Variants in DIXDC1 observed in about 807,000 individuals in gnomAD.
The protein encoded by DIXDC1 is DIX domain containing 1, also known as dixin.
A neutral mutation model predicts 103.1 loss-of-function variants in DIXDC1; 64 were observed. The observed-to-expected ratio is 0.62, with a 90% CI of 0.51 to 0.76. The LOEUF is 0.76. DIXDC1 is among the 30% of genes least tolerant of loss of function. DIXDC1 has a pLI of 0.00. For missense variants in DIXDC1, 759 were observed against 834.2 expected (o/e 0.91, Z 1.11); for synonymous variants, 266 against 298.5 (o/e 0.89, Z 1.12).
At chr11:111,994,899 CATTAAACAG>C in intron 14 of DIXDC1, 111 bp from the exon 15 acceptor site, 1 of 926,730 alleles carries the variant, frequency 1.1e-6, no homozygotes, top group Non-Finnish European at 1.6e-6. Context: ...TAAAGAGAGC[CATTAAACAG>C]ACAATTATAT....
At chr11:111,997,858 G>A (rs1158892566) in intron 17 of DIXDC1, among the ~76,000 whole-genome samples, 16 of 152,160 alleles carry the variant, frequency 1.1e-4, no homozygotes, top group Admixed American at 1.0e-3. Context: ...CAAATAAGCT[G>A]AAATATCTCT....
intron 10 of DIXDC1, 52 bp from the exon 11 acceptor site, chr11:111,992,363 C>A (rs1860737575): frequency 6.9e-7 from 1 of 1,448,412 alleles, no homozygotes; most frequent in African/African-American, 1.4e-5. Context: ...GTAATAATAA[C>A]TGGCTGATTG....
intron 17 of DIXDC1, among the ~76,000 whole-genome samples, chr11:112,001,471 T>TA (rs1861063327): frequency 6.6e-6 from 1 of 152,200 alleles, no homozygotes; most frequent in Admixed American, 6.5e-5. Context: ...CTACAATTTT[T>TA]AAAAAGTGAG....
rs188295515 is a variant in DIXDC1, at chr11:111,946,750, A to C, written c.60+9191A>C. 1.0e-5 allele frequency: 5 copies of C among 478,464 alleles called. No homozygotes were observed. The East Asian group carries it at 2.8e-4, about 27-fold the overall frequency. The allele number at this position is 478,464 out of a possible 1,614,324, so 29.6% of individuals were successfully genotyped here. A position where few individuals can be genotyped will look rare whatever the true frequency, so the allele number is the denominator to read the frequency against. ...AACTCATTGAAGTCGGCCTGGGCAC[A>C]CGCCACATGCAGATTTTGGTGTTTT... On this transcript the variant is annotated intron_variant, in intron 1 of 19. Transcript: ENST00000440460.
Position 111,993,509 on chromosome 11 carries a change from A to G in DIXDC1, c.1286A>G (p.Gln429Arg), listed in dbSNP as rs782601776. ...TCTTTATTGCAGAAAGAGCTGGGGC[A>G]GAAGGATCGCCTTCTTCAGCAGCAC... is the stretch of plus-strand genomic sequence containing the variant. The part of the protein sequence containing the change: ...LLGEYKKELG[Q>R]KDRLLQQHQA... The change falls in exon 13 of 20, where the codon CAG becomes CGG. Residue 429 changes from glutamine (Q) to arginine (R), a missense_variant. By Grantham distance (43) the Gln-to-Arg change is conservative. This residue lies in a region of DIXDC1 where 657 missense variants were observed against 727.5 expected (regional missense o/e 0.90). Coordinates refer to ENST00000440460, the MANE Select transcript of DIXDC1 (RefSeq NM_001037954.4). 6.2e-7 allele frequency: 1 copy of G among 1,614,050 alleles called. No homozygotes were observed. Among genetic ancestry groups the G allele is most frequent in the South Asian group, 1.1e-5 (1 of 91,088 alleles).
At chr11:111,954,153 C>T (rs1266110764) in intron 1 of DIXDC1, among the ~76,000 whole-genome samples, 2 of 151,876 alleles carry the variant, frequency 1.3e-5, no homozygotes, top group Non-Finnish European at 2.9e-5. Context: ...TACAACTTAC[C>T]ATAATGTAGA....
intron 3 of DIXDC1, among the ~76,000 whole-genome samples, 155 bp downstream of exon 3, chr11:111,968,793 C>T (rs1859817662): frequency 6.6e-6 from 1 of 151,758 alleles, no homozygotes; most frequent in Non-Finnish European, 1.5e-5. Context: ...TTATTTTTTG[C>T]GACGGAGTTT....
chr11:111,995,616 GTTTTAAGAA>G, intron 16 of DIXDC1, 52 bp downstream of exon 16: 2 of 1,599,936 alleles, frequency 1.3e-6, no homozygotes, highest in Non-Finnish European at 1.7e-6. Flanking sequence ...AGAAAGCTGG[GTTTTAAGAA>G]TTTTAATTGA....
chr11:112,007,480 A>G (rs1476232990), intron 17 of DIXDC1, among the ~76,000 whole-genome samples: 1 of 138,414 alleles, frequency 7.2e-6, no homozygotes, highest in Non-Finnish European at 1.6e-5. Context: ...CTCCTCAAGA[A>G]GAGCAACCCC....
At position 111,943,798 on chromosome 11, in the gene DIXDC1, C is replaced by T. The variant is rs1966502975; in HGVS notation, c.60+6239C>T. Reference sequence around the variant, plus strand: ...TACAGGCATGAGCCACTGCGCCTGGCCCATTTCTGGAATTTTCTATTTAAT... The same window carrying T: ...TACAGGCATGAGCCACTGCGCCTGGTCCATTTCTGGAATTTTCTATTTAAT... On this transcript the variant is annotated intron_variant, in intron 1 of 19. Coordinates refer to ENST00000440460, the MANE Select transcript of DIXDC1 (RefSeq NM_001037954.4). Among the ~76,000 whole-genome samples the T allele has an allele frequency of 2.6e-5, 4 of 152,268 alleles. No homozygotes were observed. The South Asian group carries it at 8.3e-4, about 32-fold the overall frequency.
intron 1 of DIXDC1, among the ~76,000 whole-genome samples, chr11:111,957,602 T>C (rs1238228417): frequency 6.6e-6 from 1 of 152,222 alleles, no homozygotes; most frequent in Admixed American, 6.5e-5. Flanking sequence ...TGAATTTGAT[T>C]ATGAGAAAAC....
chr11:111,953,071 A>G (rs1304718238), intron 1 of DIXDC1, among the ~76,000 whole-genome samples: 1 of 152,204 alleles, frequency 6.6e-6, no homozygotes, highest in African/African-American at 2.4e-5. Flanking sequence ...AATCAAGTGA[A>G]TCAAATGAAG....
At position 112,017,724 on chromosome 11, in the gene DIXDC1, C is replaced by G; in HGVS notation, c.1863-53C>G. Reference sequence around the variant, plus strand: ...GCTGTGTTTAAAGTTAACATCTTATCTTTCCAGCTATTGATCAACAGTCTA... The same window carrying G: ...GCTGTGTTTAAAGTTAACATCTTATGTTTCCAGCTATTGATCAACAGTCTA... On this transcript the variant is annotated intron_variant, in intron 18 of 19. Transcript: ENST00000440460. This position sits in a 1 kb window ranked among gnomAD's most constrained non-coding sequence, Gnocchi z 4.0. 6.8e-7 allele frequency: 1 copy of G among 1,462,312 alleles called. No homozygotes were observed. The highest frequency in any genetic ancestry group is 2.4e-5 in the East Asian group (1 of 41,690). 90.6% of individuals were successfully genotyped at this position (1,462,312 alleles called of 1,614,324 possible). A position where few individuals can be genotyped will look rare whatever the true frequency, so the allele number is the denominator to read the frequency against.
chr11:111,929,953 C>T, intron 2 of DIXDC1: 9 of 1,504,798 alleles, frequency 6.0e-6, no homozygotes, highest in Non-Finnish European at 8.0e-6. Flanking sequence ...GATGATGTTA[C>T]TGGAATTTCA....
intron 3 of DIXDC1, among the ~76,000 whole-genome samples, chr11:111,973,321 A>G (rs782519919): frequency 1.3e-5 from 2 of 152,036 alleles, no homozygotes; most frequent in African/African-American, 2.4e-5. Context: ...GCAGTGAGCC[A>G]AGATCACGCC....
chr11:111,931,015 A>G (rs2137420109), intron 2 of DIXDC1, among the ~76,000 whole-genome samples: 1 of 151,394 alleles, frequency 6.6e-6, no homozygotes, highest in Non-Finnish European at 1.5e-5. Context: ...CACCATGCCC[A>G]GCTAATTCCT....
chr11:111,974,287 C>G (rs1195258482), intron 4 of DIXDC1, 33 bp downstream of exon 4: 1 of 1,574,814 alleles, frequency 6.3e-7, no homozygotes, highest in African/African-American at 1.3e-5. Context: ...GGGAACTGAT[C>G]CCTCTCTCTG....
Position 111,976,836 on chromosome 11 carries a change from G to T in DIXDC1, c.656+1853G>T, listed in dbSNP as rs1380754872. ...AGCCAAGCAAAATGATCCTTAGTTG[G>T]TTAAAAAGAACACACGAAACGCCAG... On this transcript the variant is annotated intron_variant, in intron 5 of 19. Transcript: ENST00000440460. This position sits in a 1 kb window ranked among gnomAD's most constrained non-coding sequence, Gnocchi z 4.3. 2.0e-5 allele frequency: 3 copies of T among 152,430 alleles called. No individual in the cohort carries two copies. The highest frequency in any genetic ancestry group is 7.2e-5 in the African/African-American group (3 of 41,444). The allele number at this position is 152,430 out of a possible 1,614,324, so 9.4% of individuals were successfully genotyped here.
intron 1 of DIXDC1, among the ~76,000 whole-genome samples, chr11:111,941,979 AT>A (rs1418701283): frequency 6.6e-6 from 1 of 152,152 alleles, no homozygotes; most frequent in Admixed American, 6.5e-5. Flanking sequence ...TGTGCCCTCC[AT>A]AGAGTAGCGG....
Sources: gnomAD v4.1 joint callset for allele counts (sites outside exome capture counted in the v4.1 genomes callset) on GRCh38, gnomAD v4.1.1 for gene constraint, gnomAD v4.1.1 regional missense constraint, Gnocchi (gnomAD v3.1) non-coding constraint, MANE v1.5 for transcripts, NCBI Gene and HGNC (gene_info 2026-07-23, HGNC 2026-07-21) for gene names.